DTNA: variants seen among roughly 807,000 people sequenced by gnomAD.
DTNA encodes dystrobrevin alpha, also known as dystrophin-related protein 3.
A neutral mutation model predicts 100.7 loss-of-function variants in DTNA; 43 were observed. That is an observed-to-expected ratio of 0.43 (90% CI 0.33 to 0.55). The LOEUF (loss-of-function observed/expected upper bound fraction) is 0.55, where lower values mean the gene tolerates loss of function less well. Among genes scored for constraint, DTNA ranks in the 20% least tolerant of loss-of-function variants. The pLI is 0.04. For synonymous variants in DTNA, 349 were observed against 347.9 expected, an observed-to-expected ratio of 1.00 and a Z score of -0.04; for missense variants, 798 against 953.9, an observed-to-expected ratio of 0.84 and a Z score of 2.15.
intron 10 of DTNA, 147 bp from the exon 11 acceptor site, chr18:34,829,253 T>G: frequency 6.6e-7 from 1 of 1,526,290 alleles, no homozygotes; most frequent in Non-Finnish European, 8.8e-7. Flanking sequence ...TCACATTTCT[T>G]TCTGTCACCA....
At chr18:34,769,347 G>A (rs556013697) in intron 3 of DTNA, among the ~76,000 whole-genome samples, 6 of 152,278 alleles carry the variant, frequency 3.9e-5, no homozygotes, top group African/African-American at 1.4e-4. Flanking sequence ...ATGTTTACAT[G>A]ACATAACATT....
At chr18:34,514,520 A>G (rs1427060877) in intron 1 of DTNA, among the ~76,000 whole-genome samples, 1 of 152,160 alleles carries the variant, frequency 6.6e-6, no homozygotes, top group Non-Finnish European at 1.5e-5. Flanking sequence ...TAAATGCAAT[A>G]TCTAAGGCAG....
chr18:34,618,027 G>A (rs2055676885), intron 1 of DTNA, among the ~76,000 whole-genome samples: 1 of 152,118 alleles, frequency 6.6e-6, no homozygotes. Context: ...TGAATACAGA[G>A]AAGCTAATCT....
chr18:34,688,026 T>C lies in DTNA; in HGVS notation c.-1-67950T>C, dbSNP rs139031259. On this transcript the variant is annotated intron_variant, in intron 1 of 19. Coordinates refer to the DTNA transcript ENST00000283365. Reference sequence around the variant, plus strand: ...TTCCTCCATCCCTTTATTTTGAGCTTATGTGTATCTTTGCACATGAGATGG... The same window carrying C: ...TTCCTCCATCCCTTTATTTTGAGCTCATGTGTATCTTTGCACATGAGATGG... Among the ~76,000 whole-genome samples, 323 of 152,336 alleles carry C rather than the reference T, an allele frequency of 2.1e-3. 2 individuals carry two copies. The highest frequency in any genetic ancestry group is 7.2e-3 in the African/African-American group (298 of 41,578).
At chr18:34,517,598 C>T (rs983059919) in intron 1 of DTNA, among the ~76,000 whole-genome samples, 5 of 152,020 alleles carry the variant, frequency 3.3e-5, no homozygotes, top group African/African-American at 1.2e-4. Context: ...GCTCATTTCT[C>T]TTCCCCTCTC....
At chr18:34,628,376 A>G (rs1405945992) in intron 1 of DTNA, among the ~76,000 whole-genome samples, 1 of 152,252 alleles carries the variant, frequency 6.6e-6, no homozygotes, top group African/African-American at 2.4e-5. Flanking sequence ...TGACACAGTG[A>G]TTTCTTTTGA....
At chr18:34,849,343 A>C (rs536838980) in intron 14 of DTNA, among the ~76,000 whole-genome samples, 1 of 151,964 alleles carries the variant, frequency 6.6e-6, no homozygotes, top group East Asian at 1.9e-4. Flanking sequence ...TTTTGGAAAA[A>C]CCTCTTTTCC....
At chr18:34,760,661 G>A (rs930393748) in intron 2 of DTNA, among the ~76,000 whole-genome samples, 1 of 152,156 alleles carries the variant, frequency 6.6e-6, no homozygotes, top group South Asian at 2.1e-4. Flanking sequence ...CCCAAAGCCT[G>A]CGGTCTTTGA....
chr18:34,712,480 A>G (rs1431673338), intron 1 of DTNA, among the ~76,000 whole-genome samples: 2 of 152,158 alleles, frequency 1.3e-5, no homozygotes, highest in Non-Finnish European at 1.5e-5. Flanking sequence ...ACAAGTGTGT[A>G]AAAACCAAGA....
intron 1 of DTNA, among the ~76,000 whole-genome samples, chr18:34,588,990 A>C (rs1414618116): frequency 6.7e-6 from 1 of 150,132 alleles, no homozygotes; most frequent in African/African-American, 2.4e-5. Flanking sequence ...TACTATACTA[A>C]TTATATTTAT....
At chr18:34,768,959 G>T (rs1276274000) in intron 3 of DTNA, among the ~76,000 whole-genome samples, 2 of 152,180 alleles carry the variant, frequency 1.3e-5, no homozygotes, top group Admixed American at 1.3e-4. Context: ...GGGGGTGAGG[G>T]TCACTGGTAG....
chr18:34,630,005 CT>C (rs2057864315), intron 1 of DTNA, among the ~76,000 whole-genome samples: 1 of 152,180 alleles, frequency 6.6e-6, no homozygotes, highest in Non-Finnish European at 1.5e-5. Context: ...CATTTTTCTC[CT>C]TCCCCAAAGT....
At chr18:34,727,687 C>A (rs921257544) in intron 1 of DTNA, among the ~76,000 whole-genome samples, 9 of 152,210 alleles carry the variant, frequency 5.9e-5, no homozygotes, top group African/African-American at 1.4e-4. Flanking sequence ...GCCTCAGCCT[C>A]CGAAGTAGTT....
At chr18:34,559,864 T>C (rs1292498770) in intron 1 of DTNA, among the ~76,000 whole-genome samples, 1 of 152,242 alleles carries the variant, frequency 6.6e-6, no homozygotes, top group African/African-American at 2.4e-5. Flanking sequence ...CTATACATTG[T>C]ACCACAAAAT....
intron 17 of DTNA, among the ~76,000 whole-genome samples, chr18:34,870,432 A>G (rs2096753904): frequency 6.6e-6 from 1 of 152,194 alleles, no homozygotes; most frequent in Non-Finnish European, 1.5e-5. Flanking sequence ...GGCATGAACC[A>G]GTCAAAAGCG....
intron 1 of DTNA, among the ~76,000 whole-genome samples, chr18:34,635,864 G>A (rs1260723085): frequency 6.6e-6 from 1 of 151,606 alleles, no homozygotes; most frequent in Non-Finnish European, 1.5e-5. Flanking sequence ...AACAAATACT[G>A]TCATTTGTTT....
Position 34,826,934 on chromosome 18 carries a change from G to A in DTNA, c.1002-659G>A, listed in dbSNP as rs530613829. On this transcript the variant is annotated intron_variant, in intron 9 of 22. Coordinates refer to ENST00000444659, the MANE Select transcript of DTNA (RefSeq NM_001386795.1). ...GTGTAGAACCATGAACAATTCTGAG[G>A]AAAATTGAATTCTGTTTTCCTTCTC... 8.5e-5 allele frequency among the ~76,000 whole-genome samples: 13 copies of A among 152,220 alleles called. 1 individual carries two copies. The South Asian group carries it at 2.7e-3, about 32-fold the overall frequency.
intron 1 of DTNA, among the ~76,000 whole-genome samples, chr18:34,531,985 G>A (rs1469325002): frequency 6.6e-6 from 1 of 152,112 alleles, no homozygotes; most frequent in African/African-American, 2.4e-5. Context: ...AGATCATGAA[G>A]AATGAAAATG....
At chr18:34,844,109 G>A (rs984324814) in intron 13 of DTNA, among the ~76,000 whole-genome samples, 1 of 152,148 alleles carries the variant, frequency 6.6e-6, no homozygotes, top group African/African-American at 2.4e-5. Flanking sequence ...ATCAGGAACA[G>A]TTGGAGTAGA....
Sources: allele counts gnomAD v4.1 joint callset (sites outside exome capture counted in the v4.1 genomes callset), GRCh38; gene constraint gnomAD v4.1.1; transcripts MANE v1.5; gene names NCBI Gene and HGNC (gene_info 2026-07-23, HGNC 2026-07-21).